The following DCAF6 variants were observed in gnomAD, a reference collection of about 807,000 sequenced individuals.
The protein encoded by DCAF6 is DDB1- and CUL4-associated factor 6.
DCAF6 carries 54 observed loss-of-function variants against 125.1 expected under a neutral mutation model. The observed-to-expected ratio is 0.43, with a 90% CI of 0.35 to 0.54. DCAF6 has a LOEUF of 0.54. Among genes scored for constraint, DCAF6 ranks in the 20% least tolerant of loss-of-function variants. DCAF6 has a pLI of 0.01. For missense variants in DCAF6, 934 were observed against 1,161.7 expected (o/e 0.80, Z 2.85); for synonymous variants, 371 against 390.4 (o/e 0.95, Z 0.58).
intron 12 of DCAF6, among the ~76,000 whole-genome samples, chr1:168,029,491 G>A (rs2103293326): frequency 6.6e-6 from 1 of 152,258 alleles, no homozygotes; most frequent in South Asian, 2.1e-4. Context: ...TCTGTACTGG[G>A]AGCATTGAGT....
In DCAF6 at chr1:167,936,816, G is replaced by A; in HGVS notation, c.-96G>A. ...GCCCTGGAGGCCCGGCGCGCGGATG[G>A]TGCCGGTGCGGCTCGGGTGTTGAAA... On this transcript the variant is annotated 5_prime_UTR_variant, in exon 1 of 22. The change creates a new upstream start codon in the 5' untranslated region. Transcript: ENST00000367840. 8.7e-7 allele frequency: 1 copy of A among 1,146,356 alleles called. No homozygotes were observed. Among genetic ancestry groups the A allele is most frequent in the Non-Finnish European group, 1.3e-6 (1 of 790,438 alleles). The allele number at this position is 1,146,356 out of a possible 1,614,324, so 71.0% of individuals were successfully genotyped here.
the DCAF6 span, among the ~76,000 whole-genome samples, chr1:167,902,465 G>T: frequency 2.0e-5 from 3 of 152,344 alleles, no homozygotes; most frequent in Middle Eastern, 3.4e-3. Flanking sequence ...AGGAGTCAGG[G>T]AATGGGAAAA....
chr1:167,904,344 CAA>C, the DCAF6 span, among the ~76,000 whole-genome samples: 1 of 152,114 alleles, frequency 6.6e-6, no homozygotes, highest in Non-Finnish European at 1.5e-5. Flanking sequence ...CCTCGGCCTC[CAA>C]AAGTGTTGGG....
the DCAF6 span, chr1:167,917,132 A>C: frequency 6.6e-6 from 1 of 152,230 alleles, no homozygotes; most frequent in African/African-American, 2.4e-5. Flanking sequence ...CACTTTTAGA[A>C]AAAAAGCTCT....
chr1:168,004,341 T>A (rs1683051840), intron 9 of DCAF6, among the ~76,000 whole-genome samples, 192 bp from the exon 10 acceptor site: 1 of 152,148 alleles, frequency 6.6e-6, no homozygotes, highest in Non-Finnish European at 1.5e-5. Flanking sequence ...AACAAGAATA[T>A]GTTGTAGATA....
At chr1:168,061,718 A>G (rs1048520024) in intron 17 of DCAF6, among the ~76,000 whole-genome samples, 2 of 152,170 alleles carry the variant, frequency 1.3e-5, no homozygotes, top group African/African-American at 4.8e-5. Context: ...TTTAAAAGTT[A>G]AATTGCTGAG....
intron 8 of DCAF6, among the ~76,000 whole-genome samples, chr1:168,002,823 A>G (rs1438994943): frequency 6.6e-6 from 1 of 152,126 alleles, no homozygotes; most frequent in African/African-American, 2.4e-5. Flanking sequence ...TTACATTCCC[A>G]CTGAAAGTAT....
At chr1:167,876,958 G>C in the DCAF6 span, among the ~76,000 whole-genome samples, 1 of 152,174 alleles carries the variant, frequency 6.6e-6, no homozygotes, top group African/African-American at 2.4e-5. Context: ...TATCCCAACT[G>C]AGGCCGCCAG....
chr1:167,917,597 CA>C, the DCAF6 span: 4,552 of 79,792 alleles, frequency 0.057, 158 homozygotes, highest in African/African-American at 0.2. Flanking sequence ...GACCCTGTCT[CA>C]AAAAAAAAAA....
At chr1:168,004,209 A>C (rs1442404302) in intron 9 of DCAF6, among the ~76,000 whole-genome samples, 1 of 152,178 alleles carries the variant, frequency 6.6e-6, no homozygotes, top group Non-Finnish European at 1.5e-5. Context: ...CTTTTCTCAA[A>C]GTAAAGTAGA....
chr1:167,996,039 A>G (rs1442996566), intron 7 of DCAF6, among the ~76,000 whole-genome samples: 2 of 152,232 alleles, frequency 1.3e-5, no homozygotes, highest in Non-Finnish European at 1.5e-5. Flanking sequence ...GGAATAATTA[A>G]TCTTGAGTAA....
the DCAF6 span, chr1:167,893,765 C>T: frequency 1.4e-6 from 1 of 716,474 alleles, no homozygotes; most frequent in Non-Finnish European, 2.4e-6. Flanking sequence ...TTACTAGTAG[C>T]TGCTGTTTTT....
intron 3 of DCAF6, 115 bp from the exon 4 acceptor site, chr1:167,974,715 C>A: frequency 1.3e-6 from 1 of 754,726 alleles, no homozygotes; most frequent in Non-Finnish European, 1.9e-6. Context: ...TAGTGATAAT[C>A]TTTCACTGAG....
intron 2 of DCAF6, among the ~76,000 whole-genome samples, chr1:167,953,632 G>T (rs1444911642): frequency 1.3e-5 from 2 of 152,166 alleles, no homozygotes; most frequent in Non-Finnish European, 2.9e-5. Context: ...ATGGGGTCTT[G>T]CTCTGTCACC....
At chr1:167,875,733 G>A in the DCAF6 span, among the ~76,000 whole-genome samples, 2 of 151,734 alleles carry the variant, frequency 1.3e-5, no homozygotes, top group African/African-American at 2.4e-5. Flanking sequence ...GGCAGATCAC[G>A]AGGTCAGGAG....
intron 10 of DCAF6, among the ~76,000 whole-genome samples, chr1:168,015,192 G>C (rs1684799765): frequency 6.6e-6 from 1 of 152,118 alleles, no homozygotes; most frequent in Non-Finnish European, 1.5e-5. Flanking sequence ...GATCACTTCA[G>C]ATAAAGGTTA....
At chr1:167,992,847 G>A (rs779380388) in intron 6 of DCAF6, among the ~76,000 whole-genome samples, 2 of 152,208 alleles carry the variant, frequency 1.3e-5, no homozygotes, top group Admixed American at 6.5e-5. Flanking sequence ...GCATACTAAT[G>A]TATGTAGTAT....
chr1:168,021,214 G>GA (rs1321146277), intron 11 of DCAF6, among the ~76,000 whole-genome samples: 1 of 151,870 alleles, frequency 6.6e-6, no homozygotes, highest in Non-Finnish European at 1.5e-5. Flanking sequence ...GTATTTTTTA[G>GA]AAAAAATAAA....
At chr1:167,976,889 T>G (rs976846154) in intron 4 of DCAF6, among the ~76,000 whole-genome samples, 1 of 42,642 alleles carries the variant, frequency 2.3e-5, no homozygotes, top group East Asian at 4.3e-4. Flanking sequence ...TTTAGCAGTT[T>G]TTTTTTTTTT....
Sources: gnomAD v4.1 joint callset for allele counts (sites outside exome capture counted in the v4.1 genomes callset) on GRCh38, gnomAD v4.1.1 for gene constraint, MANE v1.5 for transcripts, NCBI Gene and HGNC (gene_info 2026-07-23, HGNC 2026-07-21) for gene names.